TNRC6A: variants seen among roughly 807,000 people sequenced by gnomAD.
TNRC6A encodes trinucleotide repeat containing adaptor 6A, also known as trinucleotide repeat-containing gene 6A protein.
In TNRC6A, 44 loss-of-function variants were observed where a neutral mutation model predicts 221.2. The ratio of observed to expected loss-of-function variants is 0.20; its 90% confidence interval spans 0.16 to 0.26. TNRC6A has a LOEUF of 0.26. Among genes scored for constraint, TNRC6A ranks in the 10% least tolerant of loss-of-function variants. TNRC6A has a pLI of 1.00. For missense variants in TNRC6A, 2,199 were observed against 2,404.4 expected, an observed-to-expected ratio of 0.91 and a Z score of 1.79; for synonymous variants, 847 against 838.5, an observed-to-expected ratio of 1.01 and a Z score of -0.18.
At position 24,823,887 on chromosome 16, in the gene TNRC6A, A is replaced by G; in HGVS notation, c.*80A>G. The G allele has an allele frequency of 3.7e-6, 5 of 1,346,108 alleles. No homozygotes were observed. The highest frequency in any genetic ancestry group is 3.9e-6 in the Non-Finnish European group (4 of 1,037,084). The allele number at this position is 1,346,108 out of a possible 1,614,324, so 83.4% of individuals were successfully genotyped here. On this transcript the variant is annotated 3_prime_UTR_variant, in exon 25 of 25. Coordinates refer to ENST00000395799, the MANE Select transcript of TNRC6A (RefSeq NM_014494.4). The surrounding 1 kb of genome is among the most constrained non-coding windows in gnomAD (Gnocchi z 4.3). ...TAAGTGGGGCTCGCCGCCTGCAGCC[A>G]GGGGCCGCCTGTGGGAACAGCTATT... is the stretch of plus-strand genomic sequence containing the variant.
chr16:24,779,814 T>G (rs1055374170), intron 5 of TNRC6A, among the ~76,000 whole-genome samples: 3 of 152,208 alleles, frequency 2.0e-5, no homozygotes, highest in Admixed American at 6.5e-5. Context: ...GTTTTTTGTT[T>G]TGTTTTGTTT....
At chr16:24,717,590 C>A (rs1342875559) in intron 2 of TNRC6A, among the ~76,000 whole-genome samples, 2 of 152,064 alleles carry the variant, frequency 1.3e-5, no homozygotes, top group African/African-American at 4.8e-5. Flanking sequence ...ATGTTATTTG[C>A]ATTTGTCAGA....
intron 2 of TNRC6A, among the ~76,000 whole-genome samples, chr16:24,684,812 A>C (rs1205328682): frequency 6.6e-6 from 1 of 152,196 alleles, no homozygotes; most frequent in Non-Finnish European, 1.5e-5. Flanking sequence ...TCTCTAATAA[A>C]AATAAAAACT....
chr16:24,729,917 G>A, intron 1 of TNRC6A, 71 bp downstream of exon 1: 1 of 1,191,616 alleles, frequency 8.4e-7, no homozygotes. Flanking sequence ...GCAACCCGCG[G>A]CGGCGGCAGC....
upstream of TNRC6A, among the ~76,000 whole-genome samples, chr16:24,727,453 G>C (rs942436587): frequency 2.0e-5 from 3 of 152,158 alleles, no homozygotes; most frequent in African/African-American, 7.2e-5. Context: ...ACGCATCGTA[G>C]AATATTTAGT....
Position 24,791,695 on chromosome 16 carries a change from A to G in TNRC6A, c.3053A>G (p.Asn1018Ser). ...WGDPSKYNYKNVNMWNKNVPN... is the reference protein window; with the variant it reads ...WGDPSKYNYKSVNMWNKNVPN... ...GATCCAAGCAAATACAACTACAAAA[A>G]TGTGAACATGTGGAACAAAAACGTC... is the stretch of plus-strand genomic sequence containing the variant. Residue 1018 changes from asparagine to serine, a missense_variant, in exon 6 of 25, where the codon AAT becomes AGT. Around this residue, in one of 8 missense-constraint regions of TNRC6A, gnomAD observed 1,405 missense variants for 1,400.2 expected, o/e 1.00. Coordinates refer to ENST00000395799, the MANE Select transcript of TNRC6A (RefSeq NM_014494.4). 6.2e-7 allele frequency: 1 copy of G among 1,613,924 alleles called. No homozygotes were observed. Among genetic ancestry groups the G allele is most frequent in the Non-Finnish European group, 8.5e-7 (1 of 1,179,920 alleles).
intron 2 of TNRC6A, among the ~76,000 whole-genome samples, chr16:24,658,957 C>T (rs1341642295): frequency 1.3e-5 from 2 of 151,550 alleles, no homozygotes; most frequent in Admixed American, 6.6e-5. Context: ...TATAGGCGTG[C>T]GCTACCACAC....
chr16:24,752,101 G>C (rs2057150356), intron 3 of TNRC6A, among the ~76,000 whole-genome samples: 1 of 152,150 alleles, frequency 6.6e-6, no homozygotes, highest in Admixed American at 6.5e-5. Flanking sequence ...TGTTTTAGTA[G>C]AGTGACATAA....
In TNRC6A at chr16:24,656,367, T is replaced by C. The variant is rs183846514; in HGVS notation, n.402+15358T>C. Among the ~76,000 whole-genome samples the C allele has an allele frequency of 2.5e-3, 371 of 148,386 alleles. 1 individual carries two copies. The highest frequency in any genetic ancestry group is 8.9e-3 in the African/African-American group (357 of 40,226). On this transcript the variant is annotated intron_variant and non_coding_transcript_variant, in intron 2 of 2. Coordinates refer to the TNRC6A transcript ENST00000566108. ...CTGTAATCCCAGCTACACAGGAGGC[T>C]GAGGAAGGAGAATCGCTTGAACCCG... is the stretch of plus-strand genomic sequence containing the variant.
At chr16:24,701,514 A>G (rs1230520583) in intron 2 of TNRC6A, among the ~76,000 whole-genome samples, 1 of 151,880 alleles carries the variant, frequency 6.6e-6, no homozygotes, top group African/African-American at 2.4e-5. Context: ...CTACAGGCGC[A>G]TGCCACCATG....
intron 2 of TNRC6A, among the ~76,000 whole-genome samples, chr16:24,668,929 A>C (rs989689852): frequency 6.6e-6 from 1 of 151,966 alleles, no homozygotes; most frequent in Non-Finnish European, 1.5e-5. Context: ...CAACAGGAAA[A>C]GGGTATTAGC....
intron 2 of TNRC6A, among the ~76,000 whole-genome samples, chr16:24,700,965 G>A (rs1410121610): frequency 2.0e-5 from 3 of 152,190 alleles, no homozygotes; most frequent in Non-Finnish European, 4.4e-5. Flanking sequence ...CAATAAGGCT[G>A]CCCAATGTGC....
chr16:24,790,244 T>C lies in TNRC6A; in HGVS notation c.1602T>C (p.Cys534=), dbSNP rs912804523. 2 of 1,614,222 alleles carry C rather than the reference T, an allele frequency of 1.2e-6. No individual in the cohort carries two copies. Among genetic ancestry groups the C allele is most frequent in the Non-Finnish European group, 1.7e-6 (2 of 1,180,038 alleles). ...GTTCTAATTACTCTGGAGACAAATG[T>C]TCAGGCCCTAATGGCCAAGCTAATG... ...AYGSNYSGDK[C]SGPNGQANGD... The change falls in exon 6 of 25, where the codon TGT becomes TGC. Residue 534 remains cysteine, a synonymous_variant. Coordinates refer to ENST00000395799, the MANE Select transcript of TNRC6A (RefSeq NM_014494.4).
At position 24,730,162 on chromosome 16, in the gene TNRC6A, G is replaced by T; in HGVS notation, c.6-91G>T. 4 of 1,135,274 alleles carry T rather than the reference G, an allele frequency of 3.5e-6. No individual in the cohort carries two copies. In the South Asian group the frequency reaches 4.7e-5, roughly 13 times the overall value. 70.3% of individuals were successfully genotyped at this position (1,135,274 alleles called of 1,614,324 possible). A position where few individuals can be genotyped will look rare whatever the true frequency, so the allele number is the denominator to read the frequency against. On this transcript the variant is annotated intron_variant, in intron 1 of 24. Coordinates refer to ENST00000395799, the MANE Select transcript of TNRC6A (RefSeq NM_014494.4). ...CCCCTCCCCCATCCGGCCCCGGCGC[G>T]AGCCTCTGCCGCAGCAGCTCCGTTT...
chr16:24,785,797 A>T (rs1199291729), intron 5 of TNRC6A, among the ~76,000 whole-genome samples: 1 of 152,236 alleles, frequency 6.6e-6, no homozygotes, highest in East Asian at 1.9e-4. Context: ...GAAAGTGGCC[A>T]CACACACTTA....
rs1355453287 is a variant in TNRC6A at position 24,824,180 on chromosome 16, A to T, written c.*373A>T. 1 of 123,810 alleles carries T rather than the reference A, an allele frequency of 8.1e-6. No individual in the cohort carries two copies. Among genetic ancestry groups the T allele is most frequent in the African/African-American group, 3.3e-5 (1 of 29,958 alleles). The allele number at this position is 123,810 out of a possible 1,614,324, so 7.7% of individuals were successfully genotyped here. A position where few individuals can be genotyped will look rare whatever the true frequency, so the allele number is the denominator to read the frequency against. On this transcript the variant is annotated 3_prime_UTR_variant, in exon 25 of 25. Coordinates refer to ENST00000395799, the MANE Select transcript of TNRC6A (RefSeq NM_014494.4). ...TTGCAAAACCATTTTTTGGGCTGAT[A>T]ACGTATGAGCTTTTCCCTTTGCACT...
intron 2 of TNRC6A, among the ~76,000 whole-genome samples, chr16:24,648,531 A>T (rs868399777): frequency 1.3e-5 from 2 of 152,030 alleles, no homozygotes; most frequent in South Asian, 4.2e-4. Context: ...TGGCCTCCCA[A>T]AGTGCTGGGA....
chr16:24,818,709 CGCCTTCGCTCAGGAAGGGAGGGTT>C lies in TNRC6A; in HGVS notation c.5080+11_5080+34del. On this transcript the variant is annotated intron_variant, in intron 21 of 24. Coordinates refer to ENST00000395799, the MANE Select transcript of TNRC6A (RefSeq NM_014494.4). The stretch of plus-strand genomic sequence containing the variant: ...AGCACAAAGCACTTCAGGTGGGCCT[CGCCTTCGCTCAGGAAGGGAGGGTT>C]GGTCACAGCCAGAGCCGCGGCTGTT... The C allele has an allele frequency of 6.2e-7, 1 of 1,609,614 alleles. No individual in the cohort carries two copies. The highest frequency in any genetic ancestry group is 8.5e-7 in the Non-Finnish European group (1 of 1,175,910).
chr16:24,793,490 G>C lies in TNRC6A; in HGVS notation c.3193G>C (p.Gly1065Arg), dbSNP rs763108455. 8 of 1,498,810 alleles carry C rather than the reference G, an allele frequency of 5.3e-6. No individual in the cohort carries two copies. The highest frequency in any genetic ancestry group is 7.2e-6 in the Non-Finnish European group (8 of 1,117,774). The allele number at this position is 1,498,810 out of a possible 1,614,324, so 92.8% of individuals were successfully genotyped here. The change falls in exon 7 of 25, where the codon GGG becomes CGG. Residue 1065 changes from glycine (G) to arginine (R), a missense_variant. Transcript: ENST00000395799. The stretch of plus-strand genomic sequence containing the variant: ...TTCTAAAGGCTGGGGTGAGCCCTGG[G>C]GGGAGCCTTCTACTCCAGCCACAAC... ...SSGSGWGEPW[G>R]EPSTPATTVD...
Sources: gnomAD v4.1 joint callset for allele counts (sites outside exome capture counted in the v4.1 genomes callset) on GRCh38, gnomAD v4.1.1 for gene constraint, gnomAD v4.1.1 regional missense constraint, Gnocchi (gnomAD v3.1) non-coding constraint, MANE v1.5 for transcripts, NCBI Gene and HGNC (gene_info 2026-07-23, HGNC 2026-07-21) for gene names.